Variants in PHIP observed in about 807,000 individuals in gnomAD.
PHIP encodes PHIP subunit of CUL4-Ring ligase complex.
In PHIP, 54 loss-of-function variants were observed where a neutral mutation model predicts 236.8. The observed-to-expected ratio is 0.23, with a 90% CI of 0.18 to 0.29. The LOEUF is 0.29. PHIP is among the 10% of genes least tolerant of loss of function. The pLI is 1.00. For missense variants in PHIP, 1,370 were observed against 2,190.8 expected (o/e 0.63, Z 7.48); for synonymous variants, 756 against 718.9 (o/e 1.05, Z -0.83).
intron 16 of PHIP, 56 bp downstream of exon 16, chr6:79,003,674 C>A: frequency 1.6e-6 from 2 of 1,268,916 alleles, no homozygotes; most frequent in Non-Finnish European, 2.2e-6. Context: ...AACATACAAC[C>A]CCTAAACATG....
In PHIP at chr6:79,016,453, T is replaced by C. The variant is rs140529343; in HGVS notation, c.1235+91A>G. 74 of 604,412 alleles carry C rather than the reference T, an allele frequency of 1.2e-4. 1 individual carries two copies. Among genetic ancestry groups the C allele is most frequent in the African/African-American group, 1.2e-3 (63 of 52,150 alleles). The allele number at this position is 604,412 out of a possible 1,614,324, so 37.4% of individuals were successfully genotyped here. A position where few individuals can be genotyped will look rare whatever the true frequency, so the allele number is the denominator to read the frequency against. On this transcript the variant is annotated intron_variant, in intron 13 of 39. Coordinates refer to ENST00000275034, the MANE Select transcript of PHIP (RefSeq NM_017934.7). ...GAAAAGTAGTAATTTTAACATGATA[T>C]ATAATTTTATAGGCTGAGAGTCACC... is the stretch of plus-strand genomic sequence containing the variant.
intron 3 of PHIP, 84 bp from the exon 4 acceptor site, chr6:79,077,591 G>A: frequency 2.2e-6 from 2 of 909,600 alleles, no homozygotes; most frequent in Non-Finnish European, 1.3e-6. Context: ...CGCCCCGGCG[G>A]GGACCCCGAG....
At chr6:79,021,585 T>C (rs1025259182) in intron 9 of PHIP, among the ~76,000 whole-genome samples, 5 of 152,184 alleles carry the variant, frequency 3.3e-5, no homozygotes, top group African/African-American at 7.2e-5. Context: ...ACAACACAGA[T>C]GGAACTGGAG....
At chr6:78,993,613 A>G (rs889838096) in intron 19 of PHIP, among the ~76,000 whole-genome samples, 2 of 152,254 alleles carry the variant, frequency 1.3e-5, no homozygotes, top group Admixed American at 1.3e-4. Context: ...AACAAAGTCT[A>G]GATGGCAGCA....
chr6:79,053,425 T>C (rs1374376447), intron 6 of PHIP, among the ~76,000 whole-genome samples: 2 of 152,230 alleles, frequency 1.3e-5, no homozygotes, highest in Non-Finnish European at 2.9e-5. Context: ...AACATTGATA[T>C]GGACTGTCCC....
intron 17 of PHIP, among the ~76,000 whole-genome samples, chr6:79,001,024 C>T (rs1354191507): frequency 2.0e-5 from 3 of 151,958 alleles, no homozygotes; most frequent in African/African-American, 7.2e-5. Flanking sequence ...TTTCTGTGCT[C>T]CTTACAGAAT....
Position 78,963,078 on chromosome 6 carries a change from C to T in PHIP, c.3535+19G>A, listed in dbSNP as rs530997379. 2.2e-5 allele frequency: 34 copies of T among 1,564,078 alleles called. No individual in the cohort carries two copies. In the East Asian group the frequency reaches 4.4e-4, roughly 20 times the overall value. Reference sequence around the variant, plus strand: ...GTGTTCTGCCAGTTTTTTCTATACTCGCGTGTTGCTTTACTTACCTAGTGT... The same window carrying T: ...GTGTTCTGCCAGTTTTTTCTATACTTGCGTGTTGCTTTACTTACCTAGTGT... On this transcript the variant is annotated intron_variant, in intron 30 of 39. Transcript: ENST00000275034.
intron 35 of PHIP, among the ~76,000 whole-genome samples, chr6:78,952,428 G>GAAAAAAAAAAAAA (rs1188992535): frequency 1.4e-4 from 8 of 56,808 alleles, no homozygotes; most frequent in East Asian, 5.1e-4. Flanking sequence ...AAAAAAAAAA[G>GAAAAAAAAAAAAA]AAAAAAAAAA....
intron 24 of PHIP, among the ~76,000 whole-genome samples, chr6:78,976,757 C>CA (rs1245270669): frequency 1.4e-5 from 2 of 145,258 alleles, no homozygotes; most frequent in Non-Finnish European, 3.0e-5. Flanking sequence ...TTTATGCAGC[C>CA]AAAAAACACA....
intron 24 of PHIP, among the ~76,000 whole-genome samples, chr6:78,971,679 T>C (rs1582136067): frequency 6.6e-6 from 1 of 152,132 alleles, no homozygotes; most frequent in South Asian, 2.1e-4. Context: ...GCGCACCGTG[T>C]GCGAGCCGAA....
rs1434391895 is a variant in PHIP at position 78,969,776 on chromosome 6, CACTT to C, written c.3205+55_3205+58del. Reference sequence around the variant, plus strand: ...TTCTCAATTATGAAAAATAGTAAATCACTTACTAAGAAAAAAAAACCACATCAAA... The same window carrying C: ...TTCTCAATTATGAAAAATAGTAAATCACTAAGAAAAAAAAACCACATCAAA... On this transcript the variant is annotated intron_variant, in intron 27 of 39. Coordinates refer to ENST00000275034, the MANE Select transcript of PHIP (RefSeq NM_017934.7). The C allele has an allele frequency of 1.2e-4, 88 of 747,758 alleles. 1 individual carries two copies. Among genetic ancestry groups the C allele is most frequent in the Middle Eastern group, 7.3e-4 (3 of 4,128 alleles). The allele number at this position is 747,758 out of a possible 1,614,324, so 46.3% of individuals were successfully genotyped here.
At position 79,025,600 on chromosome 6, in the gene PHIP, C is replaced by T. The variant is rs372699478; in HGVS notation, c.842G>A (p.Gly281Asp). 6 of 1,607,498 alleles carry T rather than the reference C, an allele frequency of 3.7e-6. No individual in the cohort carries two copies. The highest frequency in any genetic ancestry group is 3.3e-5 in the Admixed American group (2 of 59,944). The change falls in exon 9 of 40, where the codon GGC becomes GAC. Residue 281 changes from glycine (G) to aspartate (D), a missense_variant. Transcript: ENST00000275034. Reference sequence around the variant, plus strand: ...AGTAGAAGATAGATATCTCTTTGAGCCACTGCACAATGGTGAGAACTGAAA... The same window carrying T: ...AGTAGAAGATAGATATCTCTTTGAGTCACTGCACAATGGTGAGAACTGAAA... The part of the protein sequence containing the change: ...TSLQFSPLCS[G>D]SKRYLSSTGA...
intron 30 of PHIP, among the ~76,000 whole-genome samples, chr6:78,962,237 A>C (rs549923435): frequency 6.6e-6 from 1 of 152,252 alleles, no homozygotes; most frequent in South Asian, 2.1e-4. Flanking sequence ...ATTCTGTGAA[A>C]TATTAGACAA....
intron 3 of PHIP, 67 bp from the exon 4 acceptor site, chr6:79,077,574 C>T (rs2127784483): frequency 4.1e-6 from 4 of 975,412 alleles, no homozygotes; most frequent in Non-Finnish European, 5.0e-6. Flanking sequence ...CTCCCCCGCC[C>T]GCCCCGCGCC....
intron 19 of PHIP, among the ~76,000 whole-genome samples, chr6:78,992,060 T>C (rs1226553812): frequency 6.6e-6 from 1 of 151,384 alleles, no homozygotes; most frequent in Non-Finnish European, 1.5e-5. Context: ...CCCCCGGGGT[T>C]CACACCATTC....
In PHIP at chr6:79,055,065, A is replaced by C. The variant is rs1023711091; in HGVS notation, c.439+5413T>G. On this transcript the variant is annotated intron_variant, in intron 6 of 39. Coordinates refer to ENST00000275034, the MANE Select transcript of PHIP (RefSeq NM_017934.7). The stretch of plus-strand genomic sequence containing the variant: ...CATGTTTAAGAATCAGGATTCTCAA[A>C]ACTCCTTATCCTCACACAAAACTGC... Among the ~76,000 whole-genome samples the C allele has an allele frequency of 1.2e-4, 19 of 152,080 alleles. 1 individual carries two copies.
intron 35 of PHIP, among the ~76,000 whole-genome samples, chr6:78,952,944 ATAATC>A (rs1766145700): frequency 6.6e-6 from 1 of 152,102 alleles, no homozygotes; most frequent in Non-Finnish European, 1.5e-5. Context: ...GTACTTCAGA[ATAATC>A]TATTACTCAA....
At chr6:79,074,682 G>A (rs1325317966) in intron 4 of PHIP, among the ~76,000 whole-genome samples, 3 of 152,036 alleles carry the variant, frequency 2.0e-5, no homozygotes, top group Non-Finnish European at 1.5e-5. Context: ...TTATACCAGA[G>A]ACAGAAACAA....
chr6:79,032,035 C>T (rs1771696346), intron 7 of PHIP, among the ~76,000 whole-genome samples: 1 of 152,116 alleles, frequency 6.6e-6, no homozygotes. Context: ...TTTTGGTTTC[C>T]AAGTGCATGT....
Sources: allele counts gnomAD v4.1 joint callset (sites outside exome capture counted in the v4.1 genomes callset), GRCh38; gene constraint gnomAD v4.1.1; transcripts MANE v1.5; gene names NCBI Gene and HGNC (gene_info 2026-07-23, HGNC 2026-07-21).